KBTBD11: variants seen among roughly 807,000 people sequenced by gnomAD.
KBTBD11 encodes the protein kelch repeat and BTB domain containing 11, also known as kelch repeat and BTB domain-containing protein 11.
For synonymous variants in KBTBD11, 747 were observed against 499.0 expected (o/e 1.50, Z -6.63); for missense variants, 1,390 against 1,001.8 (o/e 1.39, Z -5.23).
rs996341607 is a variant in KBTBD11, at chr8:1,981,784, G to C, written c.-909+7849G>C. ...CAAGGTTCTCCAGCCTTTGGACTCTGGGACTTGCATCAGTGGTCCCCTGGG... is the reference window on the plus strand; with the variant it reads ...CAAGGTTCTCCAGCCTTTGGACTCTCGGACTTGCATCAGTGGTCCCCTGGG... On this transcript the variant is annotated intron_variant, in intron 1 of 1. Transcript: ENST00000320248. Among the ~76,000 whole-genome samples the C allele has an allele frequency of 2.6e-5, 4 of 152,324 alleles. No individual in the cohort carries two copies. The South Asian group carries it at 8.3e-4, about 32-fold the overall frequency.
intron 1 of KBTBD11, among the ~76,000 whole-genome samples, chr8:1,990,052 CTT>C (rs776970848): frequency 1.4e-5 from 2 of 144,242 alleles, no homozygotes; most frequent in Non-Finnish European, 1.5e-5. Flanking sequence ...AGACTACAAA[CTT>C]AGTATTTCTG....
Position 2,003,635 on chromosome 8 carries a change from T to C in KBTBD11, c.*571T>C, listed in dbSNP as rs1238595066. ...AATTTAATAAGCATTAAAGGTAAAATCTTTGATTACCAGTAAGGTTTCTTG... is the reference window on the plus strand; with the variant it reads ...AATTTAATAAGCATTAAAGGTAAAACCTTTGATTACCAGTAAGGTTTCTTG... On this transcript the variant is annotated 3_prime_UTR_variant, in exon 2 of 2. Transcript: ENST00000320248. 6.0e-6 allele frequency: 1 copy of C among 167,036 alleles called. No homozygotes were observed. The highest frequency in any genetic ancestry group is 1.5e-5 in the Non-Finnish European group (1 of 68,106). The allele number at this position is 167,036 out of a possible 1,614,324, so 10.3% of individuals were successfully genotyped here. A position where few individuals can be genotyped will look rare whatever the true frequency, so the allele number is the denominator to read the frequency against.
chr8:1,987,902 G>T (rs191040187), intron 1 of KBTBD11, among the ~76,000 whole-genome samples: 152 of 152,142 alleles, frequency 1.0e-3, no homozygotes, highest in African/African-American at 3.5e-3. Context: ...CCCCCGACGG[G>T]CCCCGGTGTG....
intron 1 of KBTBD11, among the ~76,000 whole-genome samples, chr8:1,988,903 T>A (rs1816786716): frequency 6.6e-6 from 1 of 152,230 alleles, no homozygotes; most frequent in South Asian, 2.1e-4. Context: ...TCTAACAGAT[T>A]GACAGTTGTG....
Position 2,001,224 on chromosome 8 carries a change from A to T in KBTBD11, c.32A>T (p.Tyr11Phe), listed in dbSNP as rs1298812984. Reference sequence around the variant, plus strand: ...CACGCGGTGGCCCCCTGCGTCCTCTACCCAGGGACTGAGCCCGGGGCTGCC... The same window carrying T: ...CACGCGGTGGCCCCCTGCGTCCTCTTCCCAGGGACTGAGCCCGGGGCTGCC... MEHAVAPCVL[Y>F]PGTEPGAAGE... is the part of the protein sequence containing the mutation. Residue 11 changes from tyrosine to phenylalanine, a missense_variant, in exon 2 of 2, where the codon TAC (tyrosine) becomes TTC (phenylalanine). Tyr to Phe is a conservative substitution (Grantham distance 22). Transcript: ENST00000320248. The T allele has an allele frequency of 6.8e-7, 1 of 1,460,586 alleles. No individual in the cohort carries two copies. Among genetic ancestry groups the T allele is most frequent in the Non-Finnish European group, 9.0e-7 (1 of 1,107,878 alleles). 90.5% of individuals were successfully genotyped at this position (1,460,586 alleles called of 1,614,324 possible).
rs900284287 is a variant in KBTBD11, at chr8:2,004,134, A to AAC, written c.*1070_*1071insAC. The AAC allele has an allele frequency of 1.2e-5, 2 of 167,010 alleles. No individual in the cohort carries two copies. The highest frequency in any genetic ancestry group is 2.9e-5 in the Non-Finnish European group (2 of 68,120). The allele number at this position is 167,010 out of a possible 1,614,324, so 10.3% of individuals were successfully genotyped here. The stretch of plus-strand genomic sequence containing the variant: ...TGTGGCCGAGTGACAGTGGGCATAG[A>AAC]TTTATAACAAGGAAGTGACGTGCTT... On this transcript the variant is annotated 3_prime_UTR_variant, in exon 2 of 2. Transcript: ENST00000320248.
intron 1 of KBTBD11, among the ~76,000 whole-genome samples, chr8:1,986,775 A>G (rs970095173): frequency 6.6e-6 from 1 of 152,214 alleles, no homozygotes; most frequent in Admixed American, 6.5e-5. Context: ...AAATATTTCA[A>G]ACACCATAAT....
Position 2,001,587 on chromosome 8 carries a change from G to C in KBTBD11, c.395G>C (p.Gly132Ala), listed in dbSNP as rs1301132729. The part of the protein sequence containing the change: ...EPGEPAPVPP[G>A]FGAVYGEPDL... Reference sequence around the variant, plus strand: ...GGGGAGCCCGCGCCCGTACCCCCGGGGTTCGGGGCGGTGTACGGGGAGCCG... The same window carrying C: ...GGGGAGCCCGCGCCCGTACCCCCGGCGTTCGGGGCGGTGTACGGGGAGCCG... Residue 132 changes from glycine to alanine, a missense_variant, in exon 2 of 2, where the codon GGG (glycine) becomes GCG (alanine). Coordinates refer to ENST00000320248, the MANE Select transcript of KBTBD11 (RefSeq NM_014867.3). The C allele has an allele frequency of 6.9e-7, 1 of 1,457,978 alleles. No homozygotes were observed. The highest frequency in any genetic ancestry group is 9.0e-7 in the Non-Finnish European group (1 of 1,110,876). 90.3% of individuals were successfully genotyped at this position (1,457,978 alleles called of 1,614,324 possible).
intron 1 of KBTBD11, among the ~76,000 whole-genome samples, chr8:1,981,360 A>G (rs1816534371): frequency 6.6e-6 from 1 of 152,224 alleles, no homozygotes; most frequent in African/African-American, 2.4e-5. Context: ...TGTAAAATTC[A>G]CTGGTAAATG....
At chr8:1,975,130 C>CTGAA (rs1286432851) in intron 1 of KBTBD11, 1 of 152,240 alleles carries the variant, frequency 6.6e-6, no homozygotes, top group Non-Finnish European at 1.5e-5. Context: ...GTTCCATTGC[C>CTGAA]TTCAGATTTG....
chr8:2,000,952 C>A lies in KBTBD11; in HGVS notation c.-241C>A, dbSNP rs1398053868. On this transcript the variant is annotated 5_prime_UTR_variant, in exon 2 of 2. The change creates a premature stop within an existing upstream ORF in the 5' untranslated region. Transcript: ENST00000320248. ...TTAAAGTGGCTGGGGTTCAGAAGTTCAGCAAGTCGGACACACCCCTCCTCG... is the reference window on the plus strand; with the variant it reads ...TTAAAGTGGCTGGGGTTCAGAAGTTAAGCAAGTCGGACACACCCCTCCTCG... 8 of 425,538 alleles carry A rather than the reference C, an allele frequency of 1.9e-5. No homozygotes were observed. Among genetic ancestry groups the A allele is most frequent in the Admixed American group, 8.9e-5 (2 of 22,548 alleles). 26.4% of individuals were successfully genotyped at this position (425,538 alleles called of 1,614,324 possible). A position where few individuals can be genotyped will look rare whatever the true frequency, so the allele number is the denominator to read the frequency against.
intron 1 of KBTBD11, among the ~76,000 whole-genome samples, chr8:1,999,539 T>C (rs1304234268): frequency 6.6e-6 from 1 of 152,220 alleles, no homozygotes; most frequent in Non-Finnish European, 1.5e-5. Flanking sequence ...AAGAAAGATA[T>C]TTGATTGTAT....
At position 2,001,349 on chromosome 8, in the gene KBTBD11, T is replaced by A. The variant is rs772554801; in HGVS notation, c.157T>A (p.Ser53Thr). ...FSSGEESPPQ[S>T]LASAAEGAAT... ...CTCCGGGGAAGAGTCCCCGCCGCAGTCCCTCGCCTCAGCGGCGGAAGGCGC... is the reference window on the plus strand; with the variant it reads ...CTCCGGGGAAGAGTCCCCGCCGCAGACCCTCGCCTCAGCGGCGGAAGGCGC... The change falls in exon 2 of 2, where the codon TCC becomes ACC. Residue 53 changes from serine to threonine, a missense_variant. Physicochemically the swap from Ser to Thr is moderately conservative, Grantham distance 58. Coordinates refer to ENST00000320248, the MANE Select transcript of KBTBD11 (RefSeq NM_014867.3). The A allele has an allele frequency of 2.0e-6, 3 of 1,496,050 alleles. No homozygotes were observed. Among genetic ancestry groups the A allele is most frequent in the Non-Finnish European group, 2.7e-6 (3 of 1,129,416 alleles). The allele number at this position is 1,496,050 out of a possible 1,614,324, so 92.7% of individuals were successfully genotyped here.
chr8:1,988,821 A>G (rs1356321542), intron 1 of KBTBD11, among the ~76,000 whole-genome samples: 1 of 152,214 alleles, frequency 6.6e-6, no homozygotes, highest in Non-Finnish European at 1.5e-5. Flanking sequence ...TACTTCATAT[A>G]TGTCTGCTAA....
chr8:1,974,641 G>C (rs1816261597), intron 1 of KBTBD11: 1 of 985,162 alleles, frequency 1.0e-6, no homozygotes, highest in African/African-American at 1.7e-5. Context: ...GAGTCCTGCC[G>C]GGCGCCCCTT....
At chr8:1,980,121 A>G (rs1816489838) in intron 1 of KBTBD11, among the ~76,000 whole-genome samples, 1 of 152,162 alleles carries the variant, frequency 6.6e-6, no homozygotes, top group South Asian at 2.1e-4. Flanking sequence ...TCTAAGTATG[A>G]CATCTTATTA....
chr8:1,974,735 A>G, intron 1 of KBTBD11: 1 of 983,198 alleles, frequency 1.0e-6, no homozygotes, highest in Non-Finnish European at 1.2e-6. Context: ...GGCGGGGCTC[A>G]TTCTGGAGCA....
At chr8:1,974,576 AC>A in intron 1 of KBTBD11, 1 of 980,482 alleles carries the variant, frequency 1.0e-6, no homozygotes, top group Non-Finnish European at 1.2e-6. Context: ...CTGGCTGCTG[AC>A]CCCCGCGAGC....
chr8:2,000,200 A>G (rs1199763854), intron 1 of KBTBD11, 85 bp from the exon 2 acceptor site: 2 of 152,228 alleles, frequency 1.3e-5, no homozygotes, highest in African/African-American at 4.8e-5. Context: ...TGAACGTTGG[A>G]GAGGGAAGGG....
Sources: allele counts gnomAD v4.1 joint callset (sites outside exome capture counted in the v4.1 genomes callset), GRCh38; gene constraint gnomAD v4.1.1; transcripts MANE v1.5; gene names NCBI Gene and HGNC (gene_info 2026-07-23, HGNC 2026-07-21).